The following SLC24A3 variants were observed in gnomAD, a reference collection of about 807,000 sequenced individuals.
SLC24A3 encodes the protein solute carrier family 24 member 3.
SLC24A3 carries 28 observed loss-of-function variants against 75.8 expected under a neutral mutation model. That is an observed-to-expected ratio of 0.37 (90% CI 0.27 to 0.51). The LOEUF is 0.51. SLC24A3 is among the 20% of genes least tolerant of loss of function. The pLI, the probability that SLC24A3 is intolerant of heterozygous loss-of-function variation, is 0.94. For synonymous variants in SLC24A3, 372 were observed against 334.1 expected (o/e 1.11, Z -1.24); for missense variants, 663 against 847.8 (o/e 0.78, Z 2.71).
chr20:19,515,616 G>T lies in SLC24A3; in HGVS notation c.348+52G>T, dbSNP rs746883369. ...GGAGGGTCCATAGGCTAGGCCTAGG[G>T]GTGTGGGGTGTGGCACCTGAGGTGC... On this transcript the variant is annotated intron_variant, in intron 3 of 16. Transcript: ENST00000328041. The T allele has an allele frequency of 1.1e-5, 18 of 1,580,458 alleles. No homozygotes were observed. In the African/African-American group the frequency reaches 2.3e-4, roughly 20 times the overall value.
Position 19,611,282 on chromosome 20 carries a change from C to T in SLC24A3, c.612+25738C>T, listed in dbSNP as rs145411934. ...CACTGCAAGATTCCTCACTTCTCTG[C>T]CTTTTTCTCAGTCATTAGAGTGAAG... is the stretch of plus-strand genomic sequence containing the variant. On this transcript the variant is annotated intron_variant, in intron 6 of 16. Coordinates refer to ENST00000328041, the MANE Select transcript of SLC24A3 (RefSeq NM_020689.4). 4.9e-3 allele frequency among the ~76,000 whole-genome samples: 739 copies of T among 152,298 alleles called. 5 individuals are homozygous for T. Among genetic ancestry groups the T allele is most frequent in the African/African-American group, 0.017 (696 of 41,556 alleles).
intron 6 of SLC24A3, among the ~76,000 whole-genome samples, chr20:19,628,752 T>A (rs2031898253): frequency 6.6e-6 from 1 of 152,030 alleles, no homozygotes; most frequent in Non-Finnish European, 1.5e-5. Flanking sequence ...GGGGAGCTAC[T>A]GAGTAGAAAC....
At chr20:19,686,790 A>G (rs1457304460) in intron 12 of SLC24A3, among the ~76,000 whole-genome samples, 1 of 152,144 alleles carries the variant, frequency 6.6e-6, no homozygotes, top group Non-Finnish European at 1.5e-5. Flanking sequence ...TTATCAGAAA[A>G]TATTCATCCA....
At chr20:19,648,656 G>A (rs2122704927) in intron 6 of SLC24A3, among the ~76,000 whole-genome samples, 1 of 152,038 alleles carries the variant, frequency 6.6e-6, no homozygotes, top group South Asian at 2.1e-4. Context: ...ATGCATATCT[G>A]TACACAGAAA....
intron 15 of SLC24A3, 29 bp from the exon 16 acceptor site, chr20:19,717,499 A>C: frequency 6.2e-7 from 1 of 1,612,390 alleles, no homozygotes; most frequent in African/African-American, 1.3e-5. Flanking sequence ...CTAGCTTGTC[A>C]GAAGCCTAAC....
At chr20:19,381,096 T>C (rs1226344485) in intron 2 of SLC24A3, among the ~76,000 whole-genome samples, 2 of 152,250 alleles carry the variant, frequency 1.3e-5, no homozygotes, top group Non-Finnish European at 2.9e-5. Flanking sequence ...ATCACTAATA[T>C]ACACACCACT....
chr20:19,234,045 A>G (rs1213433634), intron 1 of SLC24A3, among the ~76,000 whole-genome samples: 1 of 152,188 alleles, frequency 6.6e-6, no homozygotes, highest in African/African-American at 2.4e-5. Context: ...CTGAATCATT[A>G]TTCGTTCTTA....
chr20:19,503,746 C>T (rs1185124435), intron 2 of SLC24A3, among the ~76,000 whole-genome samples: 1 of 152,148 alleles, frequency 6.6e-6, no homozygotes, highest in Non-Finnish European at 1.5e-5. Flanking sequence ...ACAACAGCTA[C>T]GCATATTCTT....
intron 6 of SLC24A3, among the ~76,000 whole-genome samples, chr20:19,593,188 A>G (rs2122646220): frequency 6.6e-6 from 1 of 152,236 alleles, no homozygotes; most frequent in Non-Finnish European, 1.5e-5. Context: ...TGGGGCACAA[A>G]TGTCATTTCT....
At chr20:19,462,038 G>A (rs914683881) in intron 2 of SLC24A3, among the ~76,000 whole-genome samples, 7 of 152,134 alleles carry the variant, frequency 4.6e-5, no homozygotes, top group African/African-American at 1.4e-4. Context: ...TAGGTTCAGG[G>A]AGTCCGTGTA....
intron 2 of SLC24A3, among the ~76,000 whole-genome samples, chr20:19,421,505 A>G (rs1195788843): frequency 1.3e-5 from 2 of 152,256 alleles, no homozygotes; most frequent in African/African-American, 2.4e-5. Flanking sequence ...GAGTTTCTTC[A>G]ACAGCTGAGC....
chr20:19,279,704 A>G (rs1983601050), intron 1 of SLC24A3, among the ~76,000 whole-genome samples: 1 of 151,656 alleles, frequency 6.6e-6, no homozygotes, highest in Middle Eastern at 3.4e-3. Flanking sequence ...ACCCTTCCCT[A>G]TTGCTGATGA....
chr20:19,490,288 T>C (rs57031413), intron 2 of SLC24A3, among the ~76,000 whole-genome samples: 135 of 152,232 alleles, frequency 8.9e-4, no homozygotes, highest in African/African-American at 3.1e-3. Flanking sequence ...TGGCTCCTGG[T>C]TTATTTTCCC....
At chr20:19,505,980 G>T (rs974555558) in intron 2 of SLC24A3, among the ~76,000 whole-genome samples, 1 of 152,064 alleles carries the variant, frequency 6.6e-6, no homozygotes, top group Admixed American at 6.6e-5. Context: ...CATTTGATAG[G>T]TCCTTGCCCA....
At chr20:19,575,712 A>G (rs2031125572) in intron 3 of SLC24A3, among the ~76,000 whole-genome samples, 1 of 152,156 alleles carries the variant, frequency 6.6e-6, no homozygotes, top group South Asian at 2.1e-4. Flanking sequence ...GGGCTGCCTC[A>G]GGGTGTTGGG....
At chr20:19,596,855 G>A (rs1485624097) in intron 6 of SLC24A3, among the ~76,000 whole-genome samples, 2 of 152,210 alleles carry the variant, frequency 1.3e-5, no homozygotes, top group African/African-American at 4.8e-5. Flanking sequence ...CACAGCATTT[G>A]CTACGGTGTG....
chr20:19,584,898 T>C lies in SLC24A3; in HGVS notation c.424-73T>C, dbSNP rs1245958187. 15 of 1,408,548 alleles carry C rather than the reference T, an allele frequency of 1.1e-5. No individual in the cohort carries two copies. In the Admixed American group the frequency reaches 1.9e-4, roughly 18 times the overall value. 87.3% of individuals were successfully genotyped at this position (1,408,548 alleles called of 1,614,324 possible). A position where few individuals can be genotyped will look rare whatever the true frequency, so the allele number is the denominator to read the frequency against. ...TCTTTGCTTCTCAGGGCTTGGACTC[T>C]CGGGTGTCACAGTCACCTCTCTTCC... is the stretch of plus-strand genomic sequence containing the variant. On this transcript the variant is annotated intron_variant, in intron 4 of 16. Coordinates refer to ENST00000328041, the MANE Select transcript of SLC24A3 (RefSeq NM_020689.4).
At chr20:19,720,957 C>A in intron 16 of SLC24A3, 34 bp from the exon 17 acceptor site, 1 of 1,610,398 alleles carries the variant, frequency 6.2e-7, no homozygotes. Context: ...CTGCCTCCTC[C>A]TGGTGCCCTC....
chr20:19,412,017 T>C lies in SLC24A3; in HGVS notation c.272-103471T>C, dbSNP rs530831870. 1.1e-4 allele frequency among the ~76,000 whole-genome samples: 16 copies of C among 152,192 alleles called. 1 individual carries two copies. The highest frequency in any genetic ancestry group is 4.6e-4 in the Admixed American group (7 of 15,290). On this transcript the variant is annotated intron_variant, in intron 2 of 16. Coordinates refer to ENST00000328041, the MANE Select transcript of SLC24A3 (RefSeq NM_020689.4). ...TATTTTTAACTGTGAGTACACGGGG[T>C]CAGGGTCACGGCCTCTTCTTCTGCA...
Sources: gnomAD v4.1 joint callset for allele counts (sites outside exome capture counted in the v4.1 genomes callset) on GRCh38, gnomAD v4.1.1 for gene constraint, MANE v1.5 for transcripts, NCBI Gene and HGNC (gene_info 2026-07-23, HGNC 2026-07-21) for gene names.